Variants in BCL11A observed in about 807,000 individuals in gnomAD.
BCL11A encodes B cell CLL/lymphoma 11A.
BCL11A carries 2 observed loss-of-function variants against 55.9 expected under a neutral mutation model. That is an observed-to-expected ratio of 0.04 (90% CI 0.01 to 0.11). The LOEUF (loss-of-function observed/expected upper bound fraction) is 0.11, where lower values mean the gene tolerates loss of function less well. Among genes scored for constraint, BCL11A ranks in the 10% least tolerant of loss-of-function variants. The pLI, the probability that BCL11A is intolerant of heterozygous loss-of-function variation, is 1.00. For missense variants in BCL11A, 817 were observed against 1,137.1 expected, an observed-to-expected ratio of 0.72 and a Z score of 4.05; for synonymous variants, 465 against 473.4, an observed-to-expected ratio of 0.98 and a Z score of 0.23.
At position 60,474,643 on chromosome 2, in the gene BCL11A, G is replaced by C. The variant is rs1310524053; in HGVS notation, c.386-5810C>G. Among the ~76,000 whole-genome samples the C allele has an allele frequency of 3.3e-5, 5 of 152,320 alleles. No homozygotes were observed. The East Asian group carries it at 9.6e-4, about 29-fold the overall frequency. ...TGCATAAAAAGACAAATTGTCTTAG[G>C]ACAATTTTTTTTTGTTTGTTTAATC... On this transcript the variant is annotated intron_variant, in intron 2 of 3. Coordinates refer to ENST00000642384, the MANE Select transcript of BCL11A (RefSeq NM_022893.4).
chr2:60,509,578 A>C (rs1340883613), intron 2 of BCL11A, among the ~76,000 whole-genome samples: 1 of 152,238 alleles, frequency 6.6e-6, no homozygotes, highest in Non-Finnish European at 1.5e-5. Flanking sequence ...AAACGAAGGG[A>C]AAGAAATGCA....
Position 60,546,056 on chromosome 2 carries a change from C to A in BCL11A, c.300G>T (p.Glu100Asp). ...IEMKKASNPV[E>D]VGIQVTPEDD... ...CCTCTGGCGTGACCTGGATGCCAAC[C>A]TCCACGGGATTGGATGCTTTTTTCA... The change falls in exon 2 of 4, where the codon GAG becomes GAT. Residue 100 changes from glutamate to aspartate, a missense_variant. Glu to Asp is a conservative substitution (Grantham distance 45). Transcript: ENST00000642384. The surrounding 1 kb of genome is among the most constrained non-coding windows in gnomAD (Gnocchi z 4.1). 2.5e-6 allele frequency: 4 copies of A among 1,614,248 alleles called. No individual in the cohort carries two copies. The highest frequency in any genetic ancestry group is 3.4e-6 in the Non-Finnish European group (4 of 1,180,046).
intron 2 of BCL11A, chr2:60,537,735 T>G (rs1669734020): frequency 6.6e-6 from 1 of 152,236 alleles, no homozygotes; most frequent in Non-Finnish European, 1.5e-5. Context: ...GAATATAAAT[T>G]TAAATGCCCT....
intron 2 of BCL11A, among the ~76,000 whole-genome samples, chr2:60,510,240 A>G (rs1391419503): frequency 6.6e-6 from 1 of 152,102 alleles, no homozygotes; most frequent in Admixed American, 6.5e-5. Context: ...AGAGCCAAAA[A>G]TCCCTGCTCT....
intron 2 of BCL11A, among the ~76,000 whole-genome samples, chr2:60,480,082 C>T (rs1002921115): frequency 2.0e-5 from 3 of 152,110 alleles, no homozygotes; most frequent in Admixed American, 1.3e-4. Flanking sequence ...TGGACTTCCC[C>T]GGGAGGAGGC....
In BCL11A at chr2:60,458,601, GTT is replaced by G. The variant is rs879782250; in HGVS notation, c.*1801_*1802del. The G allele has an allele frequency of 4.9e-5, 42 of 848,982 alleles. No homozygotes were observed. Among genetic ancestry groups the G allele is most frequent in the East Asian group, 2.9e-4 (4 of 13,768 alleles). The allele number at this position is 848,982 out of a possible 1,614,324, so 52.6% of individuals were successfully genotyped here. ...AATAGTCAAGTAAATGGCTGGCAAA[GTT>G]TTTTTTTTTTTAGTTTTTAAAAAAT... On this transcript the variant is annotated 3_prime_UTR_variant, in exon 4 of 4. Transcript: ENST00000642384.
At chr2:60,479,590 T>C (rs1361460165) in intron 2 of BCL11A, among the ~76,000 whole-genome samples, 1 of 152,182 alleles carries the variant, frequency 6.6e-6, no homozygotes. Context: ...TCAGCTGCCA[T>C]CGCACTCAAA....
At chr2:60,522,475 T>C (rs1382171099) in intron 2 of BCL11A, 1 of 152,216 alleles carries the variant, frequency 6.6e-6, no homozygotes, top group African/African-American at 2.4e-5. Flanking sequence ...TTTTGGAGGA[T>C]CCCTTCCAGT....
chr2:60,460,567 C>T lies in BCL11A; in HGVS notation c.2345G>A (p.Ser782Asn), dbSNP rs1676196752. The change falls in exon 4 of 4, where the codon AGT (serine) becomes AAT (asparagine). Residue 782 changes from serine (S) to asparagine (N), a missense_variant. This residue lies in a region of BCL11A where 30 missense variants were observed against 116.3 expected (regional missense o/e 0.26). Coordinates refer to ENST00000642384, the MANE Select transcript of BCL11A (RefSeq NM_022893.4). ...CELCNYACAQ[S>N]SKLTRHMKTH... ...TTTCATGTGCCTGGTGAGCTTGCTA[C>T]TCTGGGCACAGGCATAGTTGCACAG... The T allele has an allele frequency of 6.2e-7, 1 of 1,614,046 alleles. No homozygotes were observed. The highest frequency in any genetic ancestry group is 8.5e-7 in the Non-Finnish European group (1 of 1,180,048).
At chr2:60,505,266 C>T (rs150333876) in intron 2 of BCL11A, among the ~76,000 whole-genome samples, 106 of 152,312 alleles carry the variant, frequency 7.0e-4, no homozygotes, top group African/African-American at 2.4e-3. Context: ...AAAGAAGGGA[C>T]GGATACTCAG....
At position 60,467,723 on chromosome 2, in the gene BCL11A, G is replaced by C. The variant is rs573319780; in HGVS notation, c.487+1009C>G. On this transcript the variant is annotated intron_variant, in intron 3 of 3. Coordinates refer to ENST00000642384, the MANE Select transcript of BCL11A (RefSeq NM_022893.4). ...GATGGTACTGGTGGTGATGGTACTG[G>C]TGGTGATGGTGGTGGTGGTAGTGAT... Among the ~76,000 whole-genome samples the C allele has an allele frequency of 2.8e-3, 288 of 103,138 alleles. 24 individuals are homozygous for C. Among genetic ancestry groups the C allele is most frequent in the African/African-American group, 0.01 (270 of 25,824 alleles). The allele number at this position is 103,138 out of a possible 152,430, so 67.7% of individuals were successfully genotyped here. A position where few individuals can be genotyped will look rare whatever the true frequency, so the allele number is the denominator to read the frequency against.
At chr2:60,493,516 C>G (rs1405280003) in intron 2 of BCL11A, among the ~76,000 whole-genome samples, 1 of 152,074 alleles carries the variant, frequency 6.6e-6, no homozygotes, top group Non-Finnish European at 1.5e-5. Flanking sequence ...AGAAACCTCT[C>G]CACTACACTA....
intron 3 of BCL11A, among the ~76,000 whole-genome samples, chr2:60,468,377 T>C (rs961726147): frequency 3.3e-5 from 5 of 152,196 alleles, no homozygotes; most frequent in South Asian, 4.1e-4. Flanking sequence ...CCATGGACTA[T>C]ACCCAAAGTC....
chr2:60,470,209 A>G (rs1168409803), intron 2 of BCL11A, among the ~76,000 whole-genome samples: 1 of 152,138 alleles, frequency 6.6e-6, no homozygotes, highest in Non-Finnish European at 1.5e-5. Context: ...ACCTAGCCTG[A>G]GAACATCTAC....
At chr2:60,529,844 C>T (rs1288667387) in intron 2 of BCL11A, among the ~76,000 whole-genome samples, 1 of 152,170 alleles carries the variant, frequency 6.6e-6, no homozygotes, top group Non-Finnish European at 1.5e-5. Flanking sequence ...GACAGGTCCC[C>T]AAACCACTTG....
exon 5 of BCL11A, chr2:60,451,896 A>G (rs1675738884): frequency 4.4e-6 from 1 of 229,512 alleles, no homozygotes; most frequent in Non-Finnish European, 8.6e-6. Context: ...TTCAGCATTA[A>G]TAAACAGCAA....
intron 2 of BCL11A, chr2:60,542,299 C>T: frequency 6.2e-6 from 1 of 160,400 alleles, no homozygotes; most frequent in East Asian, 1.7e-4. Context: ...GTGCAATAAG[C>T]CAAAACCTCA....
intron 2 of BCL11A, among the ~76,000 whole-genome samples, chr2:60,485,149 A>G (rs1345957726): frequency 6.6e-6 from 1 of 152,230 alleles, no homozygotes; most frequent in African/African-American, 2.4e-5. Flanking sequence ...CTAATTTCCT[A>G]AACAGGCCCC....
In BCL11A at chr2:60,458,342, A is replaced by G; in HGVS notation, c.*2062T>C. 3 of 1,026,890 alleles carry G rather than the reference A, an allele frequency of 2.9e-6. No individual in the cohort carries two copies. Among genetic ancestry groups the G allele is most frequent in the Non-Finnish European group, 3.5e-6 (3 of 854,612 alleles). The allele number at this position is 1,026,890 out of a possible 1,614,324, so 63.6% of individuals were successfully genotyped here. The stretch of plus-strand genomic sequence containing the variant: ...ATAGAATTTCCACTACCATTTTTAA[A>G]TGGATAACAAGTCTTGTAACACCAC... On this transcript the variant is annotated 3_prime_UTR_variant, in exon 4 of 4. Transcript: ENST00000642384.
Sources: allele counts gnomAD v4.1 joint callset (sites outside exome capture counted in the v4.1 genomes callset), GRCh38; gene constraint gnomAD v4.1.1; regional missense constraint gnomAD v4.1.1; non-coding constraint Gnocchi (gnomAD v3.1); transcripts MANE v1.5; gene names NCBI Gene and HGNC (gene_info 2026-07-23, HGNC 2026-07-21).